The following ARHGAP22 variants were observed in gnomAD, a reference collection of about 807,000 sequenced individuals.
ARHGAP22 encodes rho GTPase-activating protein 22.
In ARHGAP22, 48 loss-of-function variants were observed where a neutral mutation model predicts 59.1. That is an observed-to-expected ratio of 0.81 (90% CI 0.64 to 1.03). The LOEUF is 1.03. Among genes scored for constraint, ARHGAP22 ranks in the 50% least tolerant of loss-of-function variants. The pLI is 0.00. For missense variants in ARHGAP22, 1,015 were observed against 958.7 expected (o/e 1.06, Z -0.78); for synonymous variants, 445 against 416.4 (o/e 1.07, Z -0.84).
the ARHGAP22 span, chr10:48,431,045 A>C: frequency 7.6e-6 from 5 of 659,252 alleles, no homozygotes; most frequent in Admixed American, 2.9e-5. Context: ...ACATCCTTGA[A>C]TCTTAGGCCG....
At chr10:48,431,398 G>A in the ARHGAP22 span, 2 of 648,712 alleles carry the variant, frequency 3.1e-6, no homozygotes, top group Admixed American at 3.3e-5. Context: ...ATAAGTATAA[G>A]GAAATACAGT....
At chr10:48,559,306 C>T (rs1288100012) in intron 2 of ARHGAP22, among the ~76,000 whole-genome samples, 3 of 152,176 alleles carry the variant, frequency 2.0e-5, no homozygotes, top group African/African-American at 7.2e-5. Flanking sequence ...GGGCCCTTTC[C>T]CCCTTCCCCA....
At chr10:48,629,118 C>T (rs543206836) in intron 1 of ARHGAP22, among the ~76,000 whole-genome samples, 1 of 152,340 alleles carries the variant, frequency 6.6e-6, no homozygotes, top group East Asian at 1.9e-4. Context: ...CCCTTTCAGC[C>T]TTTGCCTCCA....
At chr10:48,546,029 C>G (rs983429329) in intron 3 of ARHGAP22, among the ~76,000 whole-genome samples, 6 of 152,234 alleles carry the variant, frequency 3.9e-5, no homozygotes, top group Non-Finnish European at 7.3e-5. Context: ...CTGGAAGCCA[C>G]TTAAACAGGC....
intron 1 of ARHGAP22, among the ~76,000 whole-genome samples, chr10:48,595,299 A>G (rs574520881): frequency 6.6e-6 from 1 of 152,296 alleles, no homozygotes; most frequent in South Asian, 2.1e-4. Context: ...GAGCCAAAAG[A>G]TTGATTGAGG....
chr10:48,635,149 C>G (rs2061765524), intron 1 of ARHGAP22, among the ~76,000 whole-genome samples: 1 of 152,080 alleles, frequency 6.6e-6, no homozygotes, highest in South Asian at 2.1e-4. Context: ...CTCTTGGAGG[C>G]TAGGCTCCTT....
chr10:48,647,648 T>C (rs189858812), intron 1 of ARHGAP22, among the ~76,000 whole-genome samples: 132 of 152,310 alleles, frequency 8.7e-4, no homozygotes, highest in Middle Eastern at 3.4e-3. Context: ...GAAAACATTT[T>C]GACAGTTTCT....
chr10:48,455,116 C>T lies in ARHGAP22; in HGVS notation c.678G>A (p.Thr226=), dbSNP rs759584335. Residue 226 remains threonine (T), a synonymous_variant, in exon 6 of 10, where the codon ACG becomes ACA. Coordinates refer to ENST00000249601, the MANE Select transcript of ARHGAP22 (RefSeq NM_021226.4). ...PLFDSTTDVH[T]VASLLKLYLR... ...GGTACAGCTTCAGCAGGGAGGCCAC[C>T]GTGTGCACGTCTGTTGTGCTGTGGG... 29 of 1,611,140 alleles carry T rather than the reference C, an allele frequency of 1.8e-5. No individual in the cohort carries two copies. The highest frequency in any genetic ancestry group is 3.3e-5 in the Admixed American group (2 of 59,934).
intron 1 of ARHGAP22, among the ~76,000 whole-genome samples, chr10:48,586,598 G>T (rs949942636): frequency 6.6e-5 from 10 of 152,266 alleles, no homozygotes; most frequent in African/African-American, 2.4e-4. Context: ...ATGGCATTTG[G>T]CTGTATTACA....
rs543407202 is a variant in ARHGAP22, at chr10:48,493,088, T to C, written c.323-13324A>G. 7.2e-5 allele frequency among the ~76,000 whole-genome samples: 11 copies of C among 152,320 alleles called. No individual in the cohort carries two copies. The East Asian group carries it at 2.1e-3, about 29-fold the overall frequency. On this transcript the variant is annotated intron_variant, in intron 3 of 9. Transcript: ENST00000249601. ...TTAGCAGCCACATGTGGCTGGTGGC[T>C]ACAGTGAGGAACAGTGTGGACTGGG...
intron 6 of ARHGAP22, among the ~76,000 whole-genome samples, chr10:48,454,733 G>A (rs964286245): frequency 2.0e-5 from 3 of 152,088 alleles, no homozygotes; most frequent in East Asian, 1.9e-4. Flanking sequence ...TGGGCACACC[G>A]GACCCACCCC....
At chr10:48,654,102 G>A (rs2062664028), upstream of ARHGAP22, among the ~76,000 whole-genome samples, 1 of 152,142 alleles carries the variant, frequency 6.6e-6, no homozygotes, top group South Asian at 2.1e-4. Context: ...TTAAAAAGAG[G>A]GGATTTATTG....
intron 1 of ARHGAP22, among the ~76,000 whole-genome samples, chr10:48,630,095 CTT>C (rs77798949): frequency 0.4 from 60,487 of 151,732 alleles, 14,340 homozygotes; most frequent in East Asian, 0.53. Flanking sequence ...AAAGAAGTGA[CTT>C]TTTTTTCTTT....
intron 3 of ARHGAP22, among the ~76,000 whole-genome samples, chr10:48,548,136 A>G (rs2056604725): frequency 6.6e-6 from 1 of 152,156 alleles, no homozygotes. Context: ...TTGCAGAGCC[A>G]GGCGAGATTC....
intron 3 of ARHGAP22, among the ~76,000 whole-genome samples, chr10:48,499,436 T>G (rs142272111): frequency 6.6e-6 from 1 of 152,346 alleles, no homozygotes; most frequent in East Asian, 1.9e-4. Flanking sequence ...TCCATTTTGA[T>G]AAATATTCTT....
intron 3 of ARHGAP22, among the ~76,000 whole-genome samples, chr10:48,535,336 A>G (rs1263812019): frequency 6.6e-6 from 1 of 152,190 alleles, no homozygotes; most frequent in African/African-American, 2.4e-5. Context: ...CAGCATGAAA[A>G]GGGAAGAGGG....
At chr10:48,518,195 G>A (rs556914045) in intron 3 of ARHGAP22, among the ~76,000 whole-genome samples, 65 of 152,154 alleles carry the variant, frequency 4.3e-4, no homozygotes, top group African/African-American at 8.7e-4. Context: ...GGCAAGGCTC[G>A]ACCACATCCC....
chr10:48,611,854 TTCCCC>T (rs1491495010), intron 1 of ARHGAP22, among the ~76,000 whole-genome samples: 19 of 14,332 alleles, frequency 1.3e-3, no homozygotes, highest in Middle Eastern at 0.083. Context: ...TTCCCTTCCC[TTCCCC>T]TCCCCTCCCC....
At chr10:48,456,776 C>T (rs371928424) in intron 5 of ARHGAP22, among the ~76,000 whole-genome samples, 5 of 152,260 alleles carry the variant, frequency 3.3e-5, no homozygotes, top group South Asian at 4.1e-4. Context: ...ACCCCCTATC[C>T]GCTCAGTACC....
Sources: allele counts gnomAD v4.1 joint callset (sites outside exome capture counted in the v4.1 genomes callset), GRCh38; gene constraint gnomAD v4.1.1; transcripts MANE v1.5; gene names NCBI Gene and HGNC (gene_info 2026-07-23, HGNC 2026-07-21).